The following PIK3C2G variants were observed in gnomAD, a reference collection of about 807,000 sequenced individuals.
PIK3C2G encodes phosphatidylinositol-4-phosphate 3-kinase catalytic subunit type 2 gamma, also known as phosphatidylinositol 3-kinase C2 domain-containing subunit gamma.
A neutral mutation model predicts 181.1 loss-of-function variants in PIK3C2G; 168 were observed. The observed-to-expected ratio is 0.93, with a 90% CI of 0.82 to 1.05. The LOEUF is 1.05. PIK3C2G is among the 50% of genes least tolerant of loss of function. The probability of loss-of-function intolerance (pLI) is 0.00; values close to 1 mark genes in which losing one functional copy is unlikely to be tolerated. For missense variants in PIK3C2G, 1,869 were observed against 1,732.8 expected (o/e 1.08, Z -1.40); for synonymous variants, 573 against 592.2 (o/e 0.97, Z 0.47).
At chr12:18,580,641 G>A (rs888235506) in intron 29 of PIK3C2G, among the ~76,000 whole-genome samples, 6 of 152,058 alleles carry the variant, frequency 3.9e-5, no homozygotes, top group African/African-American at 1.5e-4. Flanking sequence ...GAATTGTAAA[G>A]GATTCTTTAA....
intron 3 of PIK3C2G, 39 bp from the exon 4 acceptor site, chr12:18,290,816 G>A (rs767835196): frequency 5.6e-5 from 75 of 1,334,204 alleles, no homozygotes; most frequent in Non-Finnish European, 7.6e-5. Context: ...TGTCTTGCAG[G>A]TCTTGTCCTA....
intron 31 of PIK3C2G, among the ~76,000 whole-genome samples, chr12:18,637,082 G>C (rs927990172): frequency 6.6e-6 from 1 of 152,144 alleles, no homozygotes; most frequent in Non-Finnish European, 1.5e-5. Flanking sequence ...TACTCTGACT[G>C]GTGGTCCACA....
At chr12:18,606,484 T>C (rs183809580) in intron 30 of PIK3C2G, among the ~76,000 whole-genome samples, 7 of 152,240 alleles carry the variant, frequency 4.6e-5, no homozygotes, top group Admixed American at 2.6e-4. Flanking sequence ...TCCCAGTTAG[T>C]GTAATCAAGA....
At chr12:18,311,953 C>G in intron 5 of PIK3C2G, among the ~76,000 whole-genome samples, 1 of 152,148 alleles carries the variant, frequency 6.6e-6, no homozygotes, top group African/African-American at 2.4e-5. Flanking sequence ...AGCTGAAGAA[C>G]TTGGAATCTG....
At chr12:18,417,434 A>G (rs1945244416) in intron 16 of PIK3C2G, among the ~76,000 whole-genome samples, 2 of 152,188 alleles carry the variant, frequency 1.3e-5, no homozygotes, top group Admixed American at 6.5e-5. Context: ...ACAGCATCAC[A>G]TACTACAGAA....
intron 18 of PIK3C2G, among the ~76,000 whole-genome samples, chr12:18,444,051 A>G (rs1049817268): frequency 6.6e-6 from 1 of 152,240 alleles, no homozygotes; most frequent in Admixed American, 6.5e-5. Flanking sequence ...CTTGTCAATC[A>G]GAGAGTGCCA....
chr12:18,407,399 A>G (rs912117740), intron 16 of PIK3C2G, among the ~76,000 whole-genome samples: 1 of 152,120 alleles, frequency 6.6e-6, no homozygotes, highest in African/African-American at 2.4e-5. Flanking sequence ...TATTAGTCCC[A>G]ACATCTATTT....
intron 31 of PIK3C2G, among the ~76,000 whole-genome samples, chr12:18,625,202 GTTTTGTTATGTTATGTT>G (rs1293188627): frequency 6.6e-6 from 1 of 151,516 alleles, no homozygotes; most frequent in East Asian, 1.9e-4. Context: ...TGTATCTCAT[GTTTTGTTATGTTATGTT>G]TTCATTTTTC....
chr12:18,594,349 CCTTT>C (rs1947240254), intron 29 of PIK3C2G, 141 bp from the exon 30 acceptor site: 1 of 525,966 alleles, frequency 1.9e-6, no homozygotes, highest in South Asian at 3.2e-5. Flanking sequence ...ACTTAATTAA[CCTTT>C]CTAATATACT....
At chr12:18,329,030 C>A (rs2137525841) in intron 8 of PIK3C2G, among the ~76,000 whole-genome samples, 1 of 151,980 alleles carries the variant, frequency 6.6e-6, no homozygotes, top group African/African-American at 2.4e-5. Context: ...TGAAGCACAA[C>A]TGCAGAATTG....
At chr12:18,398,986 G>C (rs1035387446) in intron 15 of PIK3C2G, among the ~76,000 whole-genome samples, 4 of 151,822 alleles carry the variant, frequency 2.6e-5, no homozygotes, top group Non-Finnish European at 4.4e-5. Flanking sequence ...ACGAGGTCAG[G>C]AGATCGAGAC....
Position 18,381,766 on chromosome 12 carries a change from A to C in PIK3C2G, c.1881A>C (p.Glu627Asp), listed in dbSNP as rs1204287129. The part of the protein sequence containing the change: ...AWTCLPLFPK[E>D]KSILGSMLFS... ...TGTGTGTGTGTGTTGTCTTTTGCAG[A>C]AAATCCATTCTCGGGTCTATGCTGT... Residue 627 changes from glutamate (E) to aspartate (D), a missense_variant and splice_region_variant, in exon 14 of 33, where the codon GAA becomes GAC. Coordinates refer to ENST00000538779, the MANE Select transcript of PIK3C2G (RefSeq NM_001288772.2). 5.0e-6 allele frequency: 8 copies of C among 1,592,134 alleles called. No homozygotes were observed. Among genetic ancestry groups the C allele is most frequent in the African/African-American group, 1.3e-5 (1 of 74,482 alleles).
At chr12:18,396,186 ATTTATATATAAGCAATTAGATTAAACAT>A (rs1267986442) in intron 15 of PIK3C2G, among the ~76,000 whole-genome samples, 18 of 151,784 alleles carry the variant, frequency 1.2e-4, no homozygotes, top group African/African-American at 4.3e-4. Context: ...ATATATAAGC[ATTTATATATAAGCAATTAGATTAAACAT>A]TTTATATATA....
intron 29 of PIK3C2G, 101 bp downstream of exon 29, chr12:18,567,158 G>A (rs879305265): frequency 3.1e-5 from 20 of 639,298 alleles, no homozygotes; most frequent in Non-Finnish European, 4.9e-5. Context: ...AGTACTTTGG[G>A]AGGTCAAGGT....
intron 8 of PIK3C2G, among the ~76,000 whole-genome samples, chr12:18,328,052 T>C (rs1200688838): frequency 1.3e-5 from 2 of 152,004 alleles, no homozygotes; most frequent in African/African-American, 2.4e-5. Flanking sequence ...GTGAGGATCA[T>C]GGTAGGAAGT....
chr12:18,707,890 T>C, the PIK3C2G span, among the ~76,000 whole-genome samples: 3 of 152,210 alleles, frequency 2.0e-5, no homozygotes, highest in Admixed American at 6.6e-5. Context: ...TTTTATTGTG[T>C]ATACTTAAGG....
chr12:18,332,088 G>A (rs80040101), intron 8 of PIK3C2G, among the ~76,000 whole-genome samples: 4,777 of 152,158 alleles, frequency 0.031, 257 homozygotes, highest in African/African-American at 0.11. Context: ...ACATCAGTTT[G>A]TGTTTTTATT....
At chr12:18,288,400 T>G (rs1442466358) in intron 3 of PIK3C2G, among the ~76,000 whole-genome samples, 3 of 152,068 alleles carry the variant, frequency 2.0e-5, no homozygotes, top group African/African-American at 7.2e-5. Flanking sequence ...AATAAACAAG[T>G]AAACAAAAAA....
At position 18,538,332 on chromosome 12, in the gene PIK3C2G, A is replaced by C; in HGVS notation, c.3480+20A>C. 1 of 1,573,888 alleles carries C rather than the reference A, an allele frequency of 6.4e-7. No individual in the cohort carries two copies. The highest frequency in any genetic ancestry group is 8.6e-7 in the Non-Finnish European group (1 of 1,166,282). On this transcript the variant is annotated intron_variant, in intron 25 of 32. Coordinates refer to ENST00000538779, the MANE Select transcript of PIK3C2G (RefSeq NM_001288772.2). The stretch of plus-strand genomic sequence containing the variant: ...GAAATGGTAAGTCCCTTGGGAAAAA[A>C]AAACAAAAATAATAAGCTTCATTTA...
Sources: allele counts gnomAD v4.1 joint callset (sites outside exome capture counted in the v4.1 genomes callset), GRCh38; gene constraint gnomAD v4.1.1; transcripts MANE v1.5; gene names NCBI Gene and HGNC (gene_info 2026-07-23, HGNC 2026-07-21).